The following TRPC6 variants were observed in gnomAD, a reference collection of about 807,000 sequenced individuals.
The protein encoded by TRPC6 is transient receptor potential cation channel subfamily C member 6.
Under a neutral mutation model 90.7 loss-of-function variants are expected in TRPC6, and 55 were observed. The ratio of observed to expected loss-of-function variants is 0.61; its 90% CI spans 0.49 to 0.76. The LOEUF is 0.76. Ranked by LOEUF, TRPC6 falls within the 30% of genes least tolerant of loss-of-function variation. The pLI is 0.00. For synonymous variants in TRPC6, 393 were observed against 393.0 expected, an observed-to-expected ratio of 1.00 and a Z score of 0.00; for missense variants, 989 against 1,122.7, an observed-to-expected ratio of 0.88 and a Z score of 1.70.
rs568617187 is a variant in TRPC6, at chr11:101,521,638, G to T, written c.171-16840C>A. On this transcript the variant is annotated intron_variant, in intron 1 of 12. Coordinates refer to ENST00000344327, the MANE Select transcript of TRPC6 (RefSeq NM_004621.6). ...AGAATGGTAGATCCATTGACAGTTT[G>T]CACTGTGAACCTGGAAAAGCCACAG... Among the ~76,000 whole-genome samples the T allele has an allele frequency of 3.3e-5, 5 of 152,324 alleles. No individual in the cohort carries two copies. The South Asian group carries it at 6.2e-4, about 19-fold the overall frequency.
Position 101,489,047 on chromosome 11 carries a change from G to A in TRPC6, c.1183C>T (p.Leu395Phe), listed in dbSNP as rs1040882242. 6.2e-7 allele frequency: 1 copy of A among 1,614,196 alleles called. No individual in the cohort carries two copies. The highest frequency in any genetic ancestry group is 8.5e-7 in the Non-Finnish European group (1 of 1,180,022). Reference protein sequence around the residue: ...QQLLSIWYENLSGLRQQTMAV... With the variant: ...QQLLSIWYENFSGLRQQTMAV... ...ATTGTCTGCTGTCGTAAACCAGAAA[G>A]ATTCTCATACCAAATGGAGAGAAGT... Residue 395 changes from leucine (L) to phenylalanine (F), a missense_variant, in exon 4 of 13, where the codon CTT (leucine) becomes TTT (phenylalanine). By Grantham distance (22) the Leu-to-Phe change is conservative (BLOSUM62 0). Transcript: ENST00000344327.
At chr11:101,518,958 T>C (rs933056684) in intron 1 of TRPC6, among the ~76,000 whole-genome samples, 6 of 152,190 alleles carry the variant, frequency 3.9e-5, no homozygotes, top group Admixed American at 3.9e-4. Context: ...AAGCTTTGCA[T>C]GTTCTCACTC....
At chr11:101,540,513 A>G (rs1861144928) in intron 1 of TRPC6, among the ~76,000 whole-genome samples, 1 of 152,218 alleles carries the variant, frequency 6.6e-6, no homozygotes, top group African/African-American at 2.4e-5. Context: ...CTTGGAGTCT[A>G]TGGAATTTCA....
intron 1 of TRPC6, among the ~76,000 whole-genome samples, chr11:101,512,260 T>A (rs1229652985): frequency 6.6e-6 from 1 of 152,144 alleles, no homozygotes; most frequent in African/African-American, 2.4e-5. Context: ...GCCTTAGTAT[T>A]CTATGAATGA....
At chr11:101,511,599 G>C (rs1203396286) in intron 1 of TRPC6, among the ~76,000 whole-genome samples, 2 of 152,102 alleles carry the variant, frequency 1.3e-5, no homozygotes, top group African/African-American at 4.8e-5. Flanking sequence ...CAAATAAGTA[G>C]TGAGCTCAAC....
chr11:101,453,513 T>G (rs1393555767), intron 12 of TRPC6, 137 bp downstream of exon 12: 2 of 852,062 alleles, frequency 2.3e-6, no homozygotes. Flanking sequence ...AGAACGGCGG[T>G]TGGTGAGATC....
At chr11:101,453,466 C>T (rs1858809884) in intron 12 of TRPC6, among the ~76,000 whole-genome samples, 184 bp downstream of exon 12, 4 of 152,112 alleles carry the variant, frequency 2.6e-5, no homozygotes, top group South Asian at 4.1e-4. Context: ...CACCTGTCCC[C>T]GCCTGTGGAG....
At chr11:101,505,413 G>A (rs1319311964) in intron 1 of TRPC6, among the ~76,000 whole-genome samples, 1 of 152,136 alleles carries the variant, frequency 6.6e-6, no homozygotes, top group East Asian at 1.9e-4. Flanking sequence ...ATCTATCCCA[G>A]ATTCTGAGAG....
At chr11:101,465,904 G>GGTTTCTCACCATCTT (rs1322968463) in intron 10 of TRPC6, among the ~76,000 whole-genome samples, 2 of 152,094 alleles carry the variant, frequency 1.3e-5, no homozygotes, top group Admixed American at 1.3e-4. Flanking sequence ...TTTTTGCACT[G>GGTTTCTCACCATCTT]GTTTCTCACC....
chr11:101,564,710 G>C (rs1165603516), intron 1 of TRPC6, among the ~76,000 whole-genome samples: 1 of 151,892 alleles, frequency 6.6e-6, no homozygotes, highest in Non-Finnish European at 1.5e-5. Flanking sequence ...CACAGAAATA[G>C]AAAAAAATTC....
intron 1 of TRPC6, among the ~76,000 whole-genome samples, chr11:101,532,008 C>T (rs1396831754): frequency 6.6e-6 from 1 of 152,160 alleles, no homozygotes; most frequent in Non-Finnish European, 1.5e-5. Flanking sequence ...GAGGCAGAGG[C>T]ACAGTTAGAT....
At chr11:101,536,124 C>G (rs549486183) in intron 1 of TRPC6, among the ~76,000 whole-genome samples, 50 of 152,314 alleles carry the variant, frequency 3.3e-4, no homozygotes, top group Admixed American at 2.5e-3. Context: ...CAGTGCCTCA[C>G]GCCTGTAATC....
At chr11:101,583,094 G>T in intron 1 of TRPC6, 1 of 892,044 alleles carries the variant, frequency 1.1e-6, no homozygotes, top group Non-Finnish European at 1.3e-6. Flanking sequence ...ACTCTCGTGG[G>T]CAAACATATC....
At chr11:101,479,068 C>A (rs1045222797) in intron 5 of TRPC6, among the ~76,000 whole-genome samples, 1 of 152,130 alleles carries the variant, frequency 6.6e-6, no homozygotes, top group South Asian at 2.1e-4. Flanking sequence ...CTGGGTCTTA[C>A]ACCATGCCTC....
intron 1 of TRPC6, among the ~76,000 whole-genome samples, chr11:101,515,224 C>A (rs1359075226): frequency 3.3e-5 from 5 of 152,216 alleles, no homozygotes; most frequent in Non-Finnish European, 5.9e-5. Context: ...TAAATGGCTT[C>A]TCTTCCTTTA....
intron 1 of TRPC6, among the ~76,000 whole-genome samples, chr11:101,531,378 G>C (rs866497644): frequency 1.3e-5 from 2 of 152,200 alleles, no homozygotes; most frequent in African/African-American, 2.4e-5. Flanking sequence ...TGGTGGAACA[G>C]AGACTTGACC....
chr11:101,555,073 TCA>T (rs1047515600), intron 1 of TRPC6, among the ~76,000 whole-genome samples: 1 of 152,174 alleles, frequency 6.6e-6, no homozygotes, highest in African/African-American at 2.4e-5. Flanking sequence ...CACTGAGCCC[TCA>T]CTCTGTGGTA....
intron 1 of TRPC6, among the ~76,000 whole-genome samples, chr11:101,556,087 C>T (rs921098229): frequency 4.6e-5 from 7 of 152,196 alleles, no homozygotes; most frequent in African/African-American, 1.4e-4. Flanking sequence ...AAGAGCAAAG[C>T]TTATAGCAAT....
At chr11:101,457,325 C>T (rs964124322) in intron 10 of TRPC6, among the ~76,000 whole-genome samples, 1 of 152,104 alleles carries the variant, frequency 6.6e-6, no homozygotes, top group African/African-American at 2.4e-5. Context: ...ATTCTTTATT[C>T]ATTTTCTTTT....
Sources: allele counts gnomAD v4.1 joint callset (sites outside exome capture counted in the v4.1 genomes callset), GRCh38; gene constraint gnomAD v4.1.1; transcripts MANE v1.5; gene names NCBI Gene and HGNC (gene_info 2026-07-23, HGNC 2026-07-21).